PCNX2: variants seen among roughly 807,000 people sequenced by gnomAD.
PCNX2 encodes the protein pecanex-like protein 2.
In PCNX2, 168 loss-of-function variants were observed where a neutral mutation model predicts 223.8. The ratio of observed to expected loss-of-function variants is 0.75; its 90% CI spans 0.66 to 0.85. PCNX2 has a LOEUF of 0.85. Among genes scored for constraint, PCNX2 ranks in the 40% least tolerant of loss-of-function variants. PCNX2 has a pLI of 0.00. For missense variants in PCNX2, 2,507 were observed against 2,675.5 expected (o/e 0.94, Z 1.39); for synonymous variants, 1,006 against 1,052.6 (o/e 0.96, Z 0.86).
At chr1:233,040,420 C>T (rs1211829982) in intron 25 of PCNX2, among the ~76,000 whole-genome samples, 1 of 152,184 alleles carries the variant, frequency 6.6e-6, no homozygotes, top group Admixed American at 6.5e-5. Context: ...GCCCAGGATT[C>T]CCTGCAGTCT....
rs539214832 is a variant in PCNX2, at chr1:233,018,220, G to A, written c.4606-1066C>T. On this transcript the variant is annotated intron_variant, in intron 26 of 33. Coordinates refer to ENST00000258229, the MANE Select transcript of PCNX2 (RefSeq NM_014801.4). Reference sequence around the variant, plus strand: ...TAGTTTTTTTTTTTTGTAGAGACAGGATCTTGTTGCCCAGTCTGGTCTTGA... The same window carrying A: ...TAGTTTTTTTTTTTTGTAGAGACAGAATCTTGTTGCCCAGTCTGGTCTTGA... Among the ~76,000 whole-genome samples the A allele has an allele frequency of 7.3e-5, 11 of 151,528 alleles. No individual in the cohort carries two copies. In the South Asian group the frequency reaches 1.9e-3, roughly 26 times the overall value.
At chr1:233,213,090 T>C (rs954918901) in intron 12 of PCNX2, among the ~76,000 whole-genome samples, 10 of 152,222 alleles carry the variant, frequency 6.6e-5, no homozygotes, top group African/African-American at 2.2e-4. Flanking sequence ...ACAAACTACC[T>C]GACCAGTCCT....
At chr1:233,180,021 T>C (rs1456813781) in intron 15 of PCNX2, among the ~76,000 whole-genome samples, 1 of 152,230 alleles carries the variant, frequency 6.6e-6, no homozygotes, top group African/African-American at 2.4e-5. Flanking sequence ...GGGATAAATA[T>C]GTCTGCTTTT....
the PCNX2 span, among the ~76,000 whole-genome samples, chr1:233,326,554 TAAAG>T: frequency 6.6e-6 from 1 of 152,202 alleles, no homozygotes; most frequent in South Asian, 2.1e-4. Context: ...CATAGAGAAA[TAAAG>T]AAACTTGCTC....
chr1:233,319,413 C>G, the PCNX2 span, among the ~76,000 whole-genome samples: 3 of 152,294 alleles, frequency 2.0e-5, no homozygotes, highest in South Asian at 6.2e-4. Flanking sequence ...TCCTTTCAGA[C>G]AGGAAACTGA....
rs138147536 is a variant in PCNX2 at position 233,138,439 on chromosome 1, C to T, written c.3659+1275G>A. Among the ~76,000 whole-genome samples the T allele has an allele frequency of 2.6e-3, 396 of 152,258 alleles. 3 individuals are homozygous for T. Among genetic ancestry groups the T allele is most frequent in the African/African-American group, 9.2e-3 (381 of 41,548 alleles). On this transcript the variant is annotated intron_variant, in intron 20 of 33. Coordinates refer to ENST00000258229, the MANE Select transcript of PCNX2 (RefSeq NM_014801.4). ...CCTTTAGCTCAATTTCCCAGAGTGG[C>T]ACTGGTACCTTCTTTGCTACTCTGG... is the stretch of plus-strand genomic sequence containing the variant.
upstream of PCNX2, among the ~76,000 whole-genome samples, chr1:233,296,059 G>T (rs1397765850): frequency 7.0e-6 from 1 of 143,120 alleles, no homozygotes; most frequent in African/African-American, 2.6e-5. Context: ...CCTCCTGTTA[G>T]GGGACGTGCA....
chr1:233,312,669 C>G, the PCNX2 span, among the ~76,000 whole-genome samples: 1 of 152,152 alleles, frequency 6.6e-6, no homozygotes, highest in South Asian at 2.1e-4. Flanking sequence ...CATAACTACA[C>G]TCAATCACAA....
At chr1:233,288,008 C>T (rs959281574) in intron 1 of PCNX2, among the ~76,000 whole-genome samples, 1 of 152,012 alleles carries the variant, frequency 6.6e-6, no homozygotes, top group Non-Finnish European at 1.5e-5. Flanking sequence ...ATTGTAAATG[C>T]TAAAGGAAGA....
At chr1:233,120,873 TA>T (rs1345237841) in intron 21 of PCNX2, among the ~76,000 whole-genome samples, 1 of 151,940 alleles carries the variant, frequency 6.6e-6, no homozygotes, top group African/African-American at 2.4e-5. Flanking sequence ...CAATTTTTTT[TA>T]AAAAAGAACC....
chr1:233,295,564 C>G lies in PCNX2; in HGVS notation c.-86G>C. ...TCCAGGCTCCCTCAGGTCTAACACC[C>G]GGGCCCGCGGGCCGCGCCCCCGCCG... On this transcript the variant is annotated 5_prime_UTR_variant, in exon 1 of 34. Transcript: ENST00000258229. This position sits in a 1 kb window ranked among gnomAD's most constrained non-coding sequence, Gnocchi z 4.1. 1 of 1,263,682 alleles carries G rather than the reference C, an allele frequency of 7.9e-7. No individual in the cohort carries two copies. The highest frequency in any genetic ancestry group is 1.0e-6 in the Non-Finnish European group (1 of 998,674). 78.3% of individuals were successfully genotyped at this position (1,263,682 alleles called of 1,614,324 possible).
At chr1:233,281,574 T>G (rs1661195584) in intron 1 of PCNX2, among the ~76,000 whole-genome samples, 5 of 152,218 alleles carry the variant, frequency 3.3e-5, no homozygotes, top group Non-Finnish European at 7.3e-5. Context: ...AAAGTCCAAG[T>G]TTCCCATGAT....
chr1:233,169,393 TC>T lies in PCNX2; in HGVS notation c.3274-8031del, dbSNP rs1195141086. Among the ~76,000 whole-genome samples the T allele has an allele frequency of 2.0e-5, 3 of 151,910 alleles. No individual in the cohort carries two copies. In the East Asian group the frequency reaches 5.8e-4, roughly 29 times the overall value. On this transcript the variant is annotated intron_variant, in intron 17 of 33. Transcript: ENST00000258229. Reference sequence around the variant, plus strand: ...CGGGCGCGGTGGCTCACGCCTGTAATCCCAGCACTTTGGGAGGCCGAGACGG... The same window carrying T: ...CGGGCGCGGTGGCTCACGCCTGTAATCCAGCACTTTGGGAGGCCGAGACGG...
chr1:233,229,217 T>C (rs1410613352), intron 9 of PCNX2, among the ~76,000 whole-genome samples: 2 of 152,204 alleles, frequency 1.3e-5, no homozygotes, highest in Non-Finnish European at 2.9e-5. Context: ...TTACTCAGCC[T>C]ATGGAAAATG....
intron 15 of PCNX2, among the ~76,000 whole-genome samples, chr1:233,181,312 A>G (rs1386725104): frequency 1.3e-5 from 2 of 150,012 alleles, no homozygotes; most frequent in Non-Finnish European, 3.0e-5. Flanking sequence ...CAATTCTCAT[A>G]CCTCAGCTTC....
intron 8 of PCNX2, among the ~76,000 whole-genome samples, chr1:233,242,077 A>C (rs1658804192): frequency 6.6e-6 from 1 of 152,224 alleles, no homozygotes; most frequent in South Asian, 2.1e-4. Context: ...TGTCAACAAA[A>C]GAGTAAGAAC....
chr1:233,089,288 T>A (rs140461347), intron 23 of PCNX2, among the ~76,000 whole-genome samples: 262 of 152,222 alleles, frequency 1.7e-3, no homozygotes, highest in African/African-American at 6.0e-3. Flanking sequence ...CCCCAACACA[T>A]GGAGCAATGC....
At chr1:233,135,262 A>G in intron 20 of PCNX2, 72 bp from the exon 21 acceptor site, 1 of 1,442,010 alleles carries the variant, frequency 6.9e-7, no homozygotes, top group African/African-American at 1.4e-5. Context: ...ATTCGCTAAC[A>G]ATTCTCCAGG....
At position 233,263,072 on chromosome 1, in the gene PCNX2, T is replaced by C; in HGVS notation, c.245A>G (p.His82Arg). The change falls in exon 2 of 34, where the codon CAC becomes CGC. Residue 82 changes from histidine to arginine, a missense_variant. Transcript: ENST00000258229. Reference sequence around the variant, plus strand: ...TACTTCTCCTTTGTCAAACATGAGGTGTAGGCGATAACTGACCAGTTTGAT... The same window carrying C: ...TACTTCTCCTTTGTCAAACATGAGGCGTAGGCGATAACTGACCAGTTTGAT... ...TIIKLVSYRL[H>R]LMFDKGEVIQ... 2.5e-6 allele frequency: 4 copies of C among 1,613,618 alleles called. No individual in the cohort carries two copies. Among genetic ancestry groups the C allele is most frequent in the Non-Finnish European group, 3.4e-6 (4 of 1,179,674 alleles).
Sources: gnomAD v4.1 joint callset for allele counts (sites outside exome capture counted in the v4.1 genomes callset) on GRCh38, gnomAD v4.1.1 for gene constraint, Gnocchi (gnomAD v3.1) non-coding constraint, MANE v1.5 for transcripts, NCBI Gene and HGNC (gene_info 2026-07-23, HGNC 2026-07-21) for gene names.